The following NTN4 variants were observed in gnomAD, a reference collection of about 807,000 sequenced individuals.
The protein encoded by NTN4 is netrin-4.
Under a neutral mutation model 73.6 loss-of-function variants are expected in NTN4, and 32 were observed. That is an observed-to-expected ratio of 0.44 (90% CI 0.33 to 0.58). The LOEUF is 0.58. NTN4 is among the 20% of genes least tolerant of loss of function. NTN4 has a pLI of 0.04. For missense variants in NTN4, 654 were observed against 798.3 expected, an observed-to-expected ratio of 0.82 and a Z score of 2.18; for synonymous variants, 258 against 287.5, an observed-to-expected ratio of 0.90 and a Z score of 1.04.
At chr12:95,695,530 A>C (rs1317387758) in intron 5 of NTN4, among the ~76,000 whole-genome samples, 1 of 151,780 alleles carries the variant, frequency 6.6e-6, no homozygotes, top group Non-Finnish European at 1.5e-5. Context: ...ACACCTGGCT[A>C]ATTTTTGTAT....
chr12:95,729,626 AGAGAGAGTGT>A (rs1213177750), intron 3 of NTN4, among the ~76,000 whole-genome samples: 1,321 of 122,484 alleles, frequency 0.011, 6 homozygotes, highest in Non-Finnish European at 0.014. Context: ...AGAGAGAGAG[AGAGAGAGTGT>A]GTGTGTGTGT....
intron 2 of NTN4, among the ~76,000 whole-genome samples, chr12:95,741,430 TATATATATATA>T (rs2078823770): frequency 8.9e-5 from 1 of 11,260 alleles, no homozygotes; most frequent in African/African-American, 3.3e-4. Flanking sequence ...GTATAAATTA[TATATATATATA>T]TATATATATA....
At chr12:95,667,438 T>A (rs1273986457) in intron 8 of NTN4, among the ~76,000 whole-genome samples, 1 of 152,116 alleles carries the variant, frequency 6.6e-6, no homozygotes, top group Non-Finnish European at 1.5e-5. Flanking sequence ...GAGAGCACTC[T>A]ATCTTGGCTG....
chr12:95,693,154 T>C (rs2078414512), intron 5 of NTN4, among the ~76,000 whole-genome samples: 1 of 152,168 alleles, frequency 6.6e-6, no homozygotes, highest in South Asian at 2.1e-4. Flanking sequence ...CAAAGATGAC[T>C]ACAAAAAGTC....
intron 2 of NTN4, among the ~76,000 whole-genome samples, chr12:95,744,424 C>T (rs984543864): frequency 2.6e-5 from 4 of 152,032 alleles, no homozygotes; most frequent in Non-Finnish European, 5.9e-5. Flanking sequence ...GGCAGCATAC[C>T]TAATCTTTTT....
chr12:95,720,693 T>A (rs2078641252), intron 3 of NTN4, among the ~76,000 whole-genome samples: 1 of 152,160 alleles, frequency 6.6e-6, no homozygotes, highest in South Asian at 2.1e-4. Context: ...TTTGTCCAGA[T>A]TGCTTCCTAT....
At chr12:95,682,371 A>G (rs1455038804) in intron 7 of NTN4, among the ~76,000 whole-genome samples, 1 of 151,524 alleles carries the variant, frequency 6.6e-6, no homozygotes, top group Non-Finnish European at 1.5e-5. Context: ...TTTTAGAGTG[A>G]GAAAAACATA....
intron 3 of NTN4, among the ~76,000 whole-genome samples, chr12:95,713,860 C>T (rs969834795): frequency 2.4e-4 from 36 of 152,024 alleles, no homozygotes; most frequent in African/African-American, 8.0e-4. Flanking sequence ...AATGGCACCC[C>T]GTATGATGTA....
At chr12:95,704,830 C>T (rs1376869936) in intron 5 of NTN4, among the ~76,000 whole-genome samples, 2 of 152,006 alleles carry the variant, frequency 1.3e-5, no homozygotes, top group Non-Finnish European at 1.5e-5. Context: ...ATAGGCTTTC[C>T]TAGGGAAGCC....
At chr12:95,773,095 C>T (rs760762101) in intron 2 of NTN4, among the ~76,000 whole-genome samples, 36 of 152,076 alleles carry the variant, frequency 2.4e-4, no homozygotes, top group East Asian at 9.7e-4. Context: ...CTCCGCCCTC[C>T]GGGGTTCACG....
intron 2 of NTN4, among the ~76,000 whole-genome samples, chr12:95,738,715 C>A (rs1165345254): frequency 6.6e-6 from 1 of 152,094 alleles, no homozygotes; most frequent in Non-Finnish European, 1.5e-5. Context: ...AAAAGTATCA[C>A]CTTAGAGATC....
At chr12:95,723,010 T>C (rs1230794407) in intron 3 of NTN4, among the ~76,000 whole-genome samples, 2 of 150,292 alleles carry the variant, frequency 1.3e-5, no homozygotes, top group African/African-American at 4.9e-5. Flanking sequence ...TCCATTGTTT[T>C]AAAACTATAT....
chr12:95,717,768 T>A (rs902206002), intron 3 of NTN4, among the ~76,000 whole-genome samples: 1 of 152,080 alleles, frequency 6.6e-6, no homozygotes, highest in Non-Finnish European at 1.5e-5. Context: ...AATGGGATTA[T>A]GTATTTAAGG....
intron 2 of NTN4, among the ~76,000 whole-genome samples, chr12:95,772,454 G>A (rs909821528): frequency 7.2e-5 from 11 of 152,024 alleles, no homozygotes. Flanking sequence ...TCACTCCCTT[G>A]GCAATCTCAT....
intron 3 of NTN4, among the ~76,000 whole-genome samples, chr12:95,716,231 G>A (rs1225942163): frequency 6.6e-6 from 1 of 152,098 alleles, no homozygotes; most frequent in African/African-American, 2.4e-5. Flanking sequence ...AAGTAAATAT[G>A]ATAAAAAACA....
At chr12:95,687,342 CTGTT>C (rs1379031037) in intron 5 of NTN4, among the ~76,000 whole-genome samples, 1 of 151,978 alleles carries the variant, frequency 6.6e-6, no homozygotes, top group Non-Finnish European at 1.5e-5. Context: ...AGCCTTAAAT[CTGTT>C]TGAGACATTC....
At chr12:95,738,914 G>A (rs187031227) in intron 2 of NTN4, among the ~76,000 whole-genome samples, 12 of 152,206 alleles carry the variant, frequency 7.9e-5, no homozygotes, top group Admixed American at 7.2e-4. Context: ...AGATTGGATC[G>A]TGTCACTCCC....
At chr12:95,732,400 T>C (rs989365714) in intron 3 of NTN4, among the ~76,000 whole-genome samples, 4 of 64,286 alleles carry the variant, frequency 6.2e-5, no homozygotes, top group Non-Finnish European at 2.0e-4. Context: ...CTTCCTCTTT[T>C]TTTTTTTTTT....
intron 3 of NTN4, among the ~76,000 whole-genome samples, chr12:95,729,628 AGAGAGTGTGT>A (rs1421349428): frequency 5.9e-4 from 60 of 102,168 alleles, no homozygotes; most frequent in Non-Finnish European, 5.1e-4. Context: ...AGAGAGAGAG[AGAGAGTGTGT>A]GTGTGTGTGT....
Sources: gnomAD v4.1 joint callset for allele counts (sites outside exome capture counted in the v4.1 genomes callset) on GRCh38, gnomAD v4.1.1 for gene constraint, MANE v1.5 for transcripts, NCBI Gene and HGNC (gene_info 2026-07-23, HGNC 2026-07-21) for gene names.